The following SLC44A3 variants were observed in gnomAD, a reference collection of about 807,000 sequenced individuals.
SLC44A3 encodes the protein choline transporter-like protein 3.
In SLC44A3, 74 loss-of-function variants were observed where a neutral mutation model predicts 75.4. The ratio of observed to expected loss-of-function variants is 0.98; its 90% CI spans 0.81 to 1.19. The LOEUF (loss-of-function observed/expected upper bound fraction) is 1.19, where lower values mean the gene tolerates loss of function less well. Ranked by LOEUF, SLC44A3 falls within the 50% of genes most tolerant of loss-of-function variation. SLC44A3 has a pLI of 0.00. For missense variants in SLC44A3, 700 were observed against 778.6 expected (o/e 0.90, Z 1.20); for synonymous variants, 310 against 296.9 (o/e 1.04, Z -0.45).
Position 94,842,141 on chromosome 1 carries a change from T to C in SLC44A3, c.885+17T>C. On this transcript the variant is annotated intron_variant, in intron 8 of 14. Coordinates refer to ENST00000271227, the MANE Select transcript of SLC44A3 (RefSeq NM_001114106.3). ...GGCATCACGGTAAGAAATGCTCTTC[T>C]AGCAGTAGGTCAGGTAGCCAGCCAG... 6.3e-7 allele frequency: 1 copy of C among 1,590,608 alleles called. No homozygotes were observed. The highest frequency in any genetic ancestry group is 8.5e-7 in the Non-Finnish European group (1 of 1,169,974).
chr1:94,892,080 G>A (rs959930428), intron 13 of SLC44A3, among the ~76,000 whole-genome samples: 3 of 152,132 alleles, frequency 2.0e-5, no homozygotes, highest in Non-Finnish European at 2.9e-5. Context: ...CTTCCTACTC[G>A]CCATTAACTG....
intron 12 of SLC44A3, among the ~76,000 whole-genome samples, chr1:94,885,135 C>T (rs1305747474): frequency 7.1e-6 from 1 of 141,498 alleles, no homozygotes; most frequent in African/African-American, 2.6e-5. Flanking sequence ...CCCAATTACT[C>T]AGGAGGCTGA....
chr1:94,863,734 A>G (rs74991705), intron 10 of SLC44A3, among the ~76,000 whole-genome samples: 1,532 of 152,226 alleles, frequency 0.01, 26 homozygotes, highest in African/African-American at 0.035. Context: ...TTCAGCTCCC[A>G]ATATTACTTT....
intron 8 of SLC44A3, 27 bp from the exon 9 acceptor site, chr1:94,845,251 A>G (rs777635245): frequency 1.9e-6 from 3 of 1,566,174 alleles, no homozygotes; most frequent in Admixed American, 3.8e-5. Flanking sequence ...ATTTGGAAGT[A>G]ATTTACTCAA....
At chr1:94,893,226 G>A (rs191532486) in intron 14 of SLC44A3, among the ~76,000 whole-genome samples, 18 of 152,106 alleles carry the variant, frequency 1.2e-4, no homozygotes, top group Non-Finnish European at 2.5e-4. Flanking sequence ...CTTTCATTCT[G>A]TTGCCATAAA....
chr1:94,888,528 C>A, intron 12 of SLC44A3: 1 of 261,294 alleles, frequency 3.8e-6, no homozygotes, highest in East Asian at 1.8e-4. Flanking sequence ...CTGCACAAGA[C>A]TCAGGCCCCC....
At chr1:94,845,030 C>T (rs574152404) in intron 8 of SLC44A3, among the ~76,000 whole-genome samples, 46 of 152,168 alleles carry the variant, frequency 3.0e-4, no homozygotes, top group Non-Finnish European at 6.5e-4. Flanking sequence ...GACCAGACTA[C>T]AAGGCCCTTT....
chr1:94,886,244 G>T (rs532343737), intron 12 of SLC44A3, among the ~76,000 whole-genome samples: 1 of 152,178 alleles, frequency 6.6e-6, no homozygotes, highest in Non-Finnish European at 1.5e-5. Context: ...GCAGAGCTTC[G>T]TGGCTCAGCA....
At chr1:94,853,178 C>T (rs756476156) in intron 9 of SLC44A3, among the ~76,000 whole-genome samples, 4 of 151,986 alleles carry the variant, frequency 2.6e-5, no homozygotes, top group South Asian at 4.2e-4. Context: ...ACCAGTGGGT[C>T]GAAGGAGAAG....
chr1:94,892,045 A>T (rs952104116), intron 13 of SLC44A3, among the ~76,000 whole-genome samples: 4 of 152,268 alleles, frequency 2.6e-5, no homozygotes, highest in Admixed American at 1.3e-4. Context: ...TACAAAAGCT[A>T]GGCACAGATA....
At chr1:94,867,693 A>G (rs1015432511) in intron 12 of SLC44A3, among the ~76,000 whole-genome samples, 7 of 150,386 alleles carry the variant, frequency 4.7e-5, no homozygotes, top group African/African-American at 1.5e-4. Context: ...TTACATGTCA[A>G]GAAATTTTCT....
intron 12 of SLC44A3, among the ~76,000 whole-genome samples, chr1:94,876,723 C>G (rs969623609): frequency 2.0e-5 from 3 of 152,200 alleles, no homozygotes; most frequent in African/African-American, 7.2e-5. Flanking sequence ...CTATGAAGAG[C>G]AGCTGCAGAT....
chr1:94,856,128 T>G (rs1665839590), intron 9 of SLC44A3, among the ~76,000 whole-genome samples: 1 of 152,178 alleles, frequency 6.6e-6, no homozygotes, highest in Non-Finnish European at 1.5e-5. Context: ...GTTGTTACGG[T>G]GACCTTGCTG....
intron 12 of SLC44A3, among the ~76,000 whole-genome samples, chr1:94,886,564 T>C (rs949960243): frequency 6.6e-6 from 1 of 152,114 alleles, no homozygotes; most frequent in Non-Finnish European, 1.5e-5. Context: ...CGTATGCCAC[T>C]TCCATGAAGC....
rs1219358647 is a variant in SLC44A3 at position 94,891,163 on chromosome 1, G to A, written c.1516G>A (p.Asp506Asn). 6 of 1,612,848 alleles carry A rather than the reference G, an allele frequency of 3.7e-6. No individual in the cohort carries two copies. Among genetic ancestry groups the A allele is most frequent in the Admixed American group, 1.7e-5 (1 of 59,744 alleles). Residue 506 changes from aspartate to asparagine, a missense_variant, in exon 13 of 15, where the codon GAT (aspartate) becomes AAT (asparagine). Transcript: ENST00000271227. ...AYTTTAINGT[D>N]FCTSAKDAFK... ...TACTACAACTGCTATTAATGGGACAGATTTCTGTACATCAGCAAAAGATGC... is the reference window on the plus strand; with the variant it reads ...TACTACAACTGCTATTAATGGGACAAATTTCTGTACATCAGCAAAAGATGC...
chr1:94,871,025 G>A (rs1319656958), intron 12 of SLC44A3, among the ~76,000 whole-genome samples: 1 of 152,204 alleles, frequency 6.6e-6, no homozygotes, highest in African/African-American at 2.4e-5. Flanking sequence ...CAGATAGGGA[G>A]ATTGAGGCTT....
At chr1:94,865,663 C>G (rs898265421) in intron 11 of SLC44A3, among the ~76,000 whole-genome samples, 3 of 152,140 alleles carry the variant, frequency 2.0e-5, no homozygotes, top group Admixed American at 6.5e-5. Context: ...TGGACTTTTC[C>G]CAAGTCTTCT....
chr1:94,842,129 G>T lies in SLC44A3; in HGVS notation c.885+5G>T. 6.2e-7 allele frequency: 1 copy of T among 1,602,616 alleles called. No individual in the cohort carries two copies. The highest frequency in any genetic ancestry group is 8.5e-7 in the Non-Finnish European group (1 of 1,175,312). Reference sequence around the variant, plus strand: ...ATCGTATCCACAGGCATCACGGTAAGAAATGCTCTTCTAGCAGTAGGTCAG... The same window carrying T: ...ATCGTATCCACAGGCATCACGGTAATAAATGCTCTTCTAGCAGTAGGTCAG... On this transcript the variant is annotated splice_donor_5th_base_variant and intron_variant, in intron 8 of 14. Transcript: ENST00000271227.
At chr1:94,836,556 A>G (rs535061847) in intron 5 of SLC44A3, among the ~76,000 whole-genome samples, 17 of 152,344 alleles carry the variant, frequency 1.1e-4, no homozygotes, top group African/African-American at 4.1e-4. Context: ...AGTTCCTTAC[A>G]GAAATACAAT....
Sources: allele counts gnomAD v4.1 joint callset (sites outside exome capture counted in the v4.1 genomes callset), GRCh38; gene constraint gnomAD v4.1.1; transcripts MANE v1.5; gene names NCBI Gene and HGNC (gene_info 2026-07-23, HGNC 2026-07-21).